ANKS6: variants seen among roughly 807,000 people sequenced by gnomAD.
The protein encoded by ANKS6 is ankyrin repeat and SAM domain-containing protein 6.
ANKS6 carries 47 observed loss-of-function variants against 77.9 expected under a neutral mutation model. The ratio of observed to expected loss-of-function variants is 0.60; its 90% CI spans 0.48 to 0.77. The LOEUF is 0.77. ANKS6 is among the 30% of genes least tolerant of loss of function. The pLI is 0.00. For synonymous variants in ANKS6, 488 were observed against 501.7 expected, an observed-to-expected ratio of 0.97 and a Z score of 0.37; for missense variants, 1,150 against 1,159.1, an observed-to-expected ratio of 0.99 and a Z score of 0.11.
At chr9:98,772,428 C>A (rs1379054045) in intron 9 of ANKS6, among the ~76,000 whole-genome samples, 2 of 152,234 alleles carry the variant, frequency 1.3e-5, no homozygotes, top group African/African-American at 4.8e-5. Flanking sequence ...TGATTTCAGA[C>A]TTTCTGCCTG....
intron 4 of ANKS6, 63 bp from the exon 5 acceptor site, chr9:98,782,636 C>A (rs1834339690): frequency 7.7e-7 from 1 of 1,294,470 alleles, no homozygotes; most frequent in African/African-American, 1.5e-5. Flanking sequence ...TCCTGGGCAA[C>A]AAAACCAACA....
In ANKS6 at chr9:98,732,381, G is replaced by C; in HGVS notation, c.*4138C>G. 8.8e-7 allele frequency: 1 copy of C among 1,138,512 alleles called. No individual in the cohort carries two copies. The highest frequency in any genetic ancestry group is 1.2e-6 in the Non-Finnish European group (1 of 804,078). 70.5% of individuals were successfully genotyped at this position (1,138,512 alleles called of 1,614,324 possible). On this transcript the variant is annotated 3_prime_UTR_variant, in exon 15 of 15. Coordinates refer to ENST00000353234, the MANE Select transcript of ANKS6 (RefSeq NM_173551.5). Reference sequence around the variant, plus strand: ...ACTTGGTCAAACTATCTTTCTTTCTGTCTGCCATGCCAGGAAATCCAGTGA... The same window carrying C: ...ACTTGGTCAAACTATCTTTCTTTCTCTCTGCCATGCCAGGAAATCCAGTGA...
chr9:98,767,331 T>G (rs1410724632), intron 11 of ANKS6, among the ~76,000 whole-genome samples: 4 of 152,080 alleles, frequency 2.6e-5, no homozygotes, highest in Admixed American at 2.6e-4. Context: ...CCAGAACAGT[T>G]GCACCAACAC....
At chr9:98,736,661 T>C (rs1477252452) in intron 14 of ANKS6, 38 bp from the exon 15 acceptor site, 4 of 1,554,718 alleles carry the variant, frequency 2.6e-6, no homozygotes, top group Non-Finnish European at 3.5e-6. Context: ...GAAAGTCTTA[T>C]TAAACCTTTT....
intron 13 of ANKS6, among the ~76,000 whole-genome samples, chr9:98,749,106 T>C (rs907805550): frequency 6.6e-6 from 1 of 152,104 alleles, no homozygotes; most frequent in Non-Finnish European, 1.5e-5. Context: ...TGGGTCCATA[T>C]AGAGAGTGCA....
chr9:98,767,166 A>C (rs1370032500), intron 11 of ANKS6, among the ~76,000 whole-genome samples: 1 of 152,182 alleles, frequency 6.6e-6, no homozygotes, highest in Non-Finnish European at 1.5e-5. Context: ...AGATGCTAAC[A>C]ATGTGGTGAC....
At chr9:98,741,076 G>A (rs913874427) in intron 14 of ANKS6, among the ~76,000 whole-genome samples, 3 of 152,112 alleles carry the variant, frequency 2.0e-5, no homozygotes, top group African/African-American at 7.2e-5. Context: ...TCTACTGTGA[G>A]GATTAGAAGG....
At chr9:98,775,997 C>T (rs1018036808) in intron 8 of ANKS6, among the ~76,000 whole-genome samples, 10 of 152,158 alleles carry the variant, frequency 6.6e-5, no homozygotes, top group Non-Finnish European at 1.2e-4. Context: ...TTTCTGGGAG[C>T]CCCCTCTGCT....
intron 12 of ANKS6, among the ~76,000 whole-genome samples, chr9:98,752,837 G>C (rs554775003): frequency 3.3e-5 from 5 of 152,282 alleles, no homozygotes; most frequent in Admixed American, 1.3e-4. Context: ...CAACAACAGG[G>C]GGATGTGGGG....
chr9:98,790,183 G>C lies in ANKS6; in HGVS notation c.783C>G (p.Ala261=). 3 of 1,602,508 alleles carry C rather than the reference G, an allele frequency of 1.9e-6. No individual in the cohort carries two copies. Among genetic ancestry groups the C allele is most frequent in the Non-Finnish European group, 2.6e-6 (3 of 1,170,596 alleles). Residue 261 remains alanine, a synonymous_variant, in exon 2 of 15, where the codon GCC becomes GCG. Transcript: ENST00000353234. ...PDHLSVLEKT[A]FEVALDCKHR... ...GCTTGCAGTCCAGTGCAACCTCGAAGGCGGTCTTCTCCAGCACGCTGAGGT... is the reference window on the plus strand; with the variant it reads ...GCTTGCAGTCCAGTGCAACCTCGAACGCGGTCTTCTCCAGCACGCTGAGGT...
rs1831233826 is a variant in ANKS6, at chr9:98,732,090, A to G, written c.*4429T>C. On this transcript the variant is annotated 3_prime_UTR_variant, in exon 15 of 15. Transcript: ENST00000353234. Reference sequence around the variant, plus strand: ...TGAACAGGAACTGCTGGTTAACAAGACACGATTAACTTGCTAGGAATGGAC... The same window carrying G: ...TGAACAGGAACTGCTGGTTAACAAGGCACGATTAACTTGCTAGGAATGGAC... The G allele has an allele frequency of 3.5e-5, 7 of 200,220 alleles. No homozygotes were observed. In the South Asian group the frequency reaches 6.3e-4, roughly 18 times the overall value. 12.4% of individuals were successfully genotyped at this position (200,220 alleles called of 1,614,324 possible).
At chr9:98,737,530 G>A (rs1458984631) in intron 14 of ANKS6, among the ~76,000 whole-genome samples, 1 of 152,038 alleles carries the variant, frequency 6.6e-6, no homozygotes, top group African/African-American at 2.4e-5. Flanking sequence ...TAACCAAGGA[G>A]GTGAAAGACC....
chr9:98,745,485 T>A (rs947617670), intron 14 of ANKS6, 74 bp downstream of exon 14: 18 of 1,423,130 alleles, frequency 1.3e-5, no homozygotes, highest in Non-Finnish European at 1.7e-5. Flanking sequence ...AGTAAGACCT[T>A]CCCAAGATCC....
intron 1 of ANKS6, among the ~76,000 whole-genome samples, chr9:98,794,950 C>A (rs765411280): frequency 6.6e-6 from 1 of 152,120 alleles, no homozygotes; most frequent in Non-Finnish European, 1.5e-5. Context: ...TGATGTGTGG[C>A]CAGGTTTGGG....
rs1588393640 is a variant in ANKS6, at chr9:98,777,549, C to T, written c.1568-95G>A. The T allele has an allele frequency of 6.4e-6, 7 of 1,093,352 alleles. 1 individual carries two copies. The Admixed American group carries it at 1.2e-4, about 18-fold the overall frequency. The allele number at this position is 1,093,352 out of a possible 1,614,324, so 67.7% of individuals were successfully genotyped here. ...GGCAGGCTTCAACCTGGAAAACCAA[C>T]TCTCCTGGGTGCTTAAATATTTAAT... On this transcript the variant is annotated intron_variant, in intron 7 of 14. Coordinates refer to ENST00000353234, the MANE Select transcript of ANKS6 (RefSeq NM_173551.5).
In ANKS6 at chr9:98,739,758, A is replaced by ATTTTTTTTTTTTTTTTT. The variant is rs749499336; in HGVS notation, c.2512-3136_2512-3135insAAAAAAAAAAAAAAAAA. Among the ~76,000 whole-genome samples the ATTTTTTTTTTTTTTTTT allele has an allele frequency of 3.3e-3, 296 of 88,830 alleles. 51 individuals carry two copies. The highest frequency in any genetic ancestry group is 8.2e-3 in the Middle Eastern group (1 of 122). The allele number at this position is 88,830 out of a possible 152,430, so 58.3% of individuals were successfully genotyped here. On this transcript the variant is annotated intron_variant, in intron 14 of 14. Coordinates refer to ENST00000353234, the MANE Select transcript of ANKS6 (RefSeq NM_173551.5). ...CTCAGAGGGCAGCAGTGGATTAAACATTTTTTTTTTTTTTTTGAGACGGAG... is the reference window on the plus strand; with the variant it reads ...CTCAGAGGGCAGCAGTGGATTAAACATTTTTTTTTTTTTTTTTTTTTTTTTTTTTTTTTGAGACGGAG...
chr9:98,741,151 C>A (rs1831806145), intron 14 of ANKS6, among the ~76,000 whole-genome samples: 1 of 152,172 alleles, frequency 6.6e-6, no homozygotes, highest in Non-Finnish European at 1.5e-5. Context: ...ACATAACCAA[C>A]AGGTAGGAAT....
chr9:98,790,713 T>G, intron 1 of ANKS6, 107 bp from the exon 2 acceptor site: 2 of 1,422,560 alleles, frequency 1.4e-6, no homozygotes, highest in Non-Finnish European at 1.9e-6. Flanking sequence ...CTGCTCATGA[T>G]AAGAGGTCTT....
chr9:98,741,737 G>A (rs943031291), intron 14 of ANKS6, among the ~76,000 whole-genome samples: 6 of 152,170 alleles, frequency 3.9e-5, no homozygotes, highest in African/African-American at 1.4e-4. Context: ...ATACTGGGGT[G>A]GGTTCATCTG....
Sources: allele counts gnomAD v4.1 joint callset (sites outside exome capture counted in the v4.1 genomes callset), GRCh38; gene constraint gnomAD v4.1.1; transcripts MANE v1.5; gene names NCBI Gene and HGNC (gene_info 2026-07-23, HGNC 2026-07-21).